Variants in RBPMS observed in about 807,000 individuals in gnomAD.
RBPMS encodes RNA binding protein, mRNA processing factor.
RBPMS carries 7 observed loss-of-function variants against 26.8 expected under a neutral mutation model. The observed-to-expected ratio is 0.26, with a 90% confidence interval of 0.15 to 0.49. The LOEUF is 0.49. RBPMS is among the 20% of genes least tolerant of loss of function. The pLI is 0.98. For synonymous variants in RBPMS, 96 were observed against 93.3 expected (o/e 1.03, Z -0.17); for missense variants, 186 against 250.0 (o/e 0.74, Z 1.73).
chr8:30,442,910 G>C (rs749931328), intron 1 of RBPMS: 2 of 152,204 alleles, frequency 1.3e-5, no homozygotes, highest in South Asian at 4.1e-4. Context: ...GAAGGCTATA[G>C]AAAGACTTGG....
At chr8:30,490,922 T>G (rs1416922215) in intron 4 of RBPMS, among the ~76,000 whole-genome samples, 1 of 152,200 alleles carries the variant, frequency 6.6e-6, no homozygotes, top group Non-Finnish European at 1.5e-5. Flanking sequence ...TACTTTGCAG[T>G]GAACTTCCTA....
intron 4 of RBPMS, among the ~76,000 whole-genome samples, chr8:30,494,252 T>C (rs1177925057): frequency 6.6e-6 from 1 of 152,192 alleles, no homozygotes; most frequent in Non-Finnish European, 1.5e-5. Flanking sequence ...TTTCTCCCAA[T>C]TGGGGCAGTC....
chr8:30,410,590 G>A (rs1192436350), intron 1 of RBPMS, among the ~76,000 whole-genome samples: 1 of 151,584 alleles, frequency 6.6e-6, no homozygotes, highest in Non-Finnish European at 1.5e-5. Flanking sequence ...GTATAGATAT[G>A]TATATATAAA....
intron 1 of RBPMS, among the ~76,000 whole-genome samples, chr8:30,437,622 C>T (rs929416913): frequency 1.3e-5 from 2 of 152,050 alleles, no homozygotes; most frequent in African/African-American, 4.8e-5. Context: ...AAAACCCTGT[C>T]GCTACTAAAA....
rs190448116 is a variant in RBPMS, at chr8:30,419,952, C to G, written c.66+34794C>G. On this transcript the variant is annotated intron_variant, in intron 1 of 8. Coordinates refer to ENST00000397323, the MANE Select transcript of RBPMS (RefSeq NM_001008710.3). ...AGAAAAGACCTGAATAGGTCTGGTG[C>G]AGTGGCTCATGTGTGTAATCCCAGC... Among the ~76,000 whole-genome samples, 803 of 152,234 alleles carry G rather than the reference C, an allele frequency of 5.3e-3. 32 individuals are homozygous for G. The highest frequency in any genetic ancestry group is 0.048 in the Admixed American group (738 of 15,278).
chr8:30,555,862 T>C, intron 6 of RBPMS: 1 of 984,984 alleles, frequency 1.0e-6, no homozygotes, highest in Non-Finnish European at 1.2e-6. Context: ...GAGAGAACCC[T>C]CTCCTCATTA....
intron 5 of RBPMS, among the ~76,000 whole-genome samples, chr8:30,536,370 GCC>G (rs1426612603): frequency 6.6e-6 from 1 of 152,004 alleles, no homozygotes; most frequent in Non-Finnish European, 1.5e-5. Context: ...CAGGTGATCC[GCC>G]CGCCTCGGCC....
chr8:30,524,621 A>G (rs139980175), intron 5 of RBPMS, among the ~76,000 whole-genome samples: 129 of 152,280 alleles, frequency 8.5e-4, no homozygotes, highest in African/African-American at 2.9e-3. Flanking sequence ...GCAAGGTGAG[A>G]TGAAAAGAAG....
intron 1 of RBPMS, among the ~76,000 whole-genome samples, chr8:30,432,156 ACATTT>A (rs1016491812): frequency 2.0e-5 from 3 of 152,144 alleles, no homozygotes; most frequent in African/African-American, 7.2e-5. Flanking sequence ...TTTTATTTTG[ACATTT>A]CAAAGACTTT....
At chr8:30,563,868 A>G (rs1352968359) in intron 7 of RBPMS, among the ~76,000 whole-genome samples, 1 of 152,180 alleles carries the variant, frequency 6.6e-6, no homozygotes, top group Non-Finnish European at 1.5e-5. Context: ...ATGTCATGCT[A>G]TCACACTGCG....
intron 6 of RBPMS, chr8:30,545,079 C>A: frequency 7.3e-7 from 1 of 1,369,088 alleles, no homozygotes; most frequent in East Asian, 3.6e-5. Context: ...AATCTCTGAC[C>A]AAAGGGAAAG....
chr8:30,458,508 C>T (rs984685173), intron 1 of RBPMS, among the ~76,000 whole-genome samples: 1 of 152,020 alleles, frequency 6.6e-6, no homozygotes, highest in Non-Finnish European at 1.5e-5. Context: ...CCCAGGCAGT[C>T]TGGCTCTACA....
chr8:30,420,631 ACTT>A (rs1810661492), intron 1 of RBPMS, among the ~76,000 whole-genome samples: 1 of 152,166 alleles, frequency 6.6e-6, no homozygotes, highest in African/African-American at 2.4e-5. Context: ...TGTGATTCTA[ACTT>A]TCAGCAATGT....
intron 1 of RBPMS, among the ~76,000 whole-genome samples, chr8:30,449,918 G>GTT (rs1462050575): frequency 1.3e-5 from 2 of 152,206 alleles, no homozygotes; most frequent in Non-Finnish European, 2.9e-5. Context: ...GGTTTCAACA[G>GTT]AAAATCTTCA....
At position 30,455,169 on chromosome 8, in the gene RBPMS, C is replaced by A. The variant is rs138743957; in HGVS notation, c.67-19610C>A. ...ATCATTTCATGGGTTTAAATTCTTG[C>A]TTATGATGGATAAGTGAGAAGGGAG... On this transcript the variant is annotated intron_variant, in intron 1 of 8. Coordinates refer to ENST00000397323, the MANE Select transcript of RBPMS (RefSeq NM_001008710.3). 2.8e-4 allele frequency among the ~76,000 whole-genome samples: 43 copies of A among 152,248 alleles called. No homozygotes were observed. The East Asian group carries it at 7.1e-3, about 25-fold the overall frequency.
chr8:30,542,372 A>C (rs1330135171), intron 5 of RBPMS, among the ~76,000 whole-genome samples: 3 of 152,240 alleles, frequency 2.0e-5, no homozygotes, highest in African/African-American at 7.2e-5. Context: ...TCTGTTGCTT[A>C]TCTCTTTAGG....
At chr8:30,511,489 ATATATATAT>A (rs1563393220) in intron 5 of RBPMS, among the ~76,000 whole-genome samples, 499 of 7,546 alleles carry the variant, frequency 0.066, 8 homozygotes, top group Middle Eastern at 0.1. Context: ...AAAAAAAAAT[ATATATATAT>A]ATATATATAT....
chr8:30,560,808 G>T (rs767419463), intron 7 of RBPMS, among the ~76,000 whole-genome samples: 2 of 152,128 alleles, frequency 1.3e-5, no homozygotes, highest in Non-Finnish European at 2.9e-5. Flanking sequence ...CAGAATCTTA[G>T]GAGACTAATG....
At chr8:30,391,218 A>T (rs1361928515) in intron 1 of RBPMS, among the ~76,000 whole-genome samples, 1 of 152,210 alleles carries the variant, frequency 6.6e-6, no homozygotes, top group Admixed American at 6.5e-5. Flanking sequence ...CCCAAGGTGC[A>T]TTTGGGTTTT....
Sources: gnomAD v4.1 joint callset for allele counts (sites outside exome capture counted in the v4.1 genomes callset) on GRCh38, gnomAD v4.1.1 for gene constraint, MANE v1.5 for transcripts, NCBI Gene and HGNC (gene_info 2026-07-23, HGNC 2026-07-21) for gene names.